SAMMSON: variants seen among roughly 807,000 people sequenced by gnomAD.
SAMMSON encodes the protein survival associated mitochondrial melanoma specific oncogenic non-coding RNA, also known as long intergenic non-protein coding RNA 1212.
chr3:70,026,364 C>G lies in SAMMSON; in HGVS notation n.417+12692C>G, dbSNP rs1339328312. On this transcript the variant is annotated intron_variant and non_coding_transcript_variant, in intron 3 of 9. Transcript: ENST00000642114. ...TTTATTTTATTCATTTTTTTCCATT[C>G]CTTCCTTCTTTCTACTTTTTCCTCT... is the stretch of plus-strand genomic sequence containing the variant. Among the ~76,000 whole-genome samples the G allele has an allele frequency of 2.0e-5, 3 of 151,986 alleles. No homozygotes were observed. In the East Asian group the frequency reaches 5.8e-4, roughly 29 times the overall value.
chr3:70,344,234 A>G (rs946893079), intron 7 of SAMMSON, among the ~76,000 whole-genome samples: 2 of 152,156 alleles, frequency 1.3e-5, no homozygotes, highest in Non-Finnish European at 2.9e-5. Flanking sequence ...ATACCTGTAT[A>G]AACCCCAAGC....
chr3:70,094,042 A>G (rs1440768113), intron 4 of SAMMSON, among the ~76,000 whole-genome samples: 1 of 152,208 alleles, frequency 6.6e-6, no homozygotes, highest in African/African-American at 2.4e-5. Flanking sequence ...TCTGCCTTTG[A>G]CTTTGGAAAA....
At chr3:70,290,075 C>T (rs1702216208) in intron 6 of SAMMSON, among the ~76,000 whole-genome samples, 1 of 152,198 alleles carries the variant, frequency 6.6e-6, no homozygotes, top group African/African-American at 2.4e-5. Flanking sequence ...AAGTCATTCT[C>T]CATCCAGCTT....
intron 4 of SAMMSON, among the ~76,000 whole-genome samples, chr3:70,139,891 T>C (rs1387510564): frequency 6.6e-6 from 1 of 152,182 alleles, no homozygotes; most frequent in Non-Finnish European, 1.5e-5. Context: ...CCTGGCTCCA[T>C]TGAGATAGCT....
intron 2 of SAMMSON, among the ~76,000 whole-genome samples, chr3:70,413,169 T>G (rs1701235241): frequency 6.6e-6 from 1 of 152,116 alleles, no homozygotes; most frequent in South Asian, 2.1e-4. Context: ...GCTTCTAACT[T>G]GAAACGCCTC....
intron 7 of SAMMSON, among the ~76,000 whole-genome samples, chr3:70,317,896 T>G (rs1343428308): frequency 6.6e-6 from 1 of 151,802 alleles, no homozygotes; most frequent in Non-Finnish European, 1.5e-5. Flanking sequence ...CACTATCATC[T>G]GTGAAGGATA....
At position 70,133,317 on chromosome 3, in the gene SAMMSON, G is replaced by A. The variant is rs188194180; in HGVS notation, n.507+61752G>A. Among the ~76,000 whole-genome samples the A allele has an allele frequency of 4.1e-3, 630 of 152,238 alleles. 4 individuals are homozygous for A. Among genetic ancestry groups the A allele is most frequent in the South Asian group, 0.02 (95 of 4,816 alleles). ...GGAAGCCTTCATAAAAACGCAAAAG[G>A]ACAGGGTTCAGAGAGCTTCCGAGCT... On this transcript the variant is annotated intron_variant and non_coding_transcript_variant, in intron 4 of 9. Coordinates refer to ENST00000642114, the Ensembl canonical transcript of SAMMSON.
chr3:70,343,138 A>G (rs1291863145), intron 7 of SAMMSON, among the ~76,000 whole-genome samples: 1 of 152,210 alleles, frequency 6.6e-6, no homozygotes, highest in Non-Finnish European at 1.5e-5. Context: ...GACAGTACAG[A>G]GTTCCCAAAT....
At chr3:70,243,254 T>C (rs1221451645) in intron 4 of SAMMSON, among the ~76,000 whole-genome samples, 2 of 152,130 alleles carry the variant, frequency 1.3e-5, no homozygotes, top group African/African-American at 4.8e-5. Context: ...TTATTGGGGA[T>C]TTTTCAGCTG....
chr3:70,384,352 C>G (rs547083640), intron 9 of SAMMSON, among the ~76,000 whole-genome samples: 2 of 152,068 alleles, frequency 1.3e-5, no homozygotes. Context: ...AGGAAGGCAT[C>G]AAAGCCTGTA....
At chr3:70,141,469 A>T (rs7431080) in intron 4 of SAMMSON, among the ~76,000 whole-genome samples, 67,538 of 151,962 alleles carry the variant, frequency 0.44, 16,252 homozygotes, top group Non-Finnish European at 0.52. Context: ...ACCCATGTTG[A>T]TGAGAGTGAT....
At chr3:70,357,156 T>C (rs1702836001) in intron 8 of SAMMSON, among the ~76,000 whole-genome samples, 1 of 152,132 alleles carries the variant, frequency 6.6e-6, no homozygotes, top group Non-Finnish European at 1.5e-5. Flanking sequence ...TAATGGATTT[T>C]ATGTACAAGG....
At chr3:70,120,910 G>A (rs2067430337) in intron 4 of SAMMSON, among the ~76,000 whole-genome samples, 1 of 152,108 alleles carries the variant, frequency 6.6e-6, no homozygotes, top group Admixed American at 6.5e-5. Flanking sequence ...TACATTTATT[G>A]TGCAATTCAT....
At chr3:70,324,572 T>C (rs1702565031) in intron 7 of SAMMSON, among the ~76,000 whole-genome samples, 1 of 152,204 alleles carries the variant, frequency 6.6e-6, no homozygotes, top group South Asian at 2.1e-4. Flanking sequence ...CCTGCTTTCA[T>C]CAAACTTATT....
At chr3:70,030,194 A>T (rs538871829) in intron 3 of SAMMSON, 87 of 152,356 alleles carry the variant, frequency 5.7e-4, no homozygotes, top group African/African-American at 2.0e-3. Context: ...AGTGTTATCA[A>T]ATCAAATGTT....
intron 7 of SAMMSON, among the ~76,000 whole-genome samples, chr3:70,353,998 C>A (rs1033597885): frequency 6.6e-6 from 1 of 152,104 alleles, no homozygotes; most frequent in African/African-American, 2.4e-5. Flanking sequence ...CTGAAAATGA[C>A]AAAATTATAG....
intron 4 of SAMMSON, chr3:70,196,750 AT>A: frequency 5.1e-6 from 2 of 393,200 alleles, no homozygotes; most frequent in Non-Finnish European, 9.0e-6. Context: ...GAAATTTGGA[AT>A]AAGACCATTG....
At chr3:70,084,936 G>A (rs1191960097) in intron 4 of SAMMSON, 1 of 152,188 alleles carries the variant, frequency 6.6e-6, no homozygotes, top group East Asian at 1.9e-4. Context: ...ATCCCTCCCA[G>A]ACACAAAGTG....
In SAMMSON at chr3:70,358,058, T is replaced by C. The variant is rs1702843015; in HGVS notation, n.843-196T>C. Among the ~76,000 whole-genome samples the C allele has an allele frequency of 2.0e-5, 3 of 152,202 alleles. No individual in the cohort carries two copies. In the South Asian group the frequency reaches 6.2e-4, roughly 31 times the overall value. The stretch of plus-strand genomic sequence containing the variant: ...GTTCGTACAGTTCCCAAGAAATGAC[T>C]GTTAAATTTGCAGTGGTTTTGTGAG... On this transcript the variant is annotated intron_variant and non_coding_transcript_variant, in intron 8 of 9. Transcript: ENST00000642114.
Sources: allele counts gnomAD v4.1 joint callset (sites outside exome capture counted in the v4.1 genomes callset), GRCh38; gene constraint gnomAD v4.1.1; transcripts MANE v1.5; gene names NCBI Gene and HGNC (gene_info 2026-07-23, HGNC 2026-07-21).